The following SIN3B variants were observed in gnomAD, a reference collection of about 807,000 sequenced individuals.
SIN3B encodes the protein SIN3 transcription regulator family member B, also known as paired amphipathic helix protein Sin3b.
Under a neutral mutation model 120.2 loss-of-function variants are expected in SIN3B, and 19 were observed. The ratio of observed to expected loss-of-function variants is 0.16; its 90% CI spans 0.11 to 0.23. The LOEUF (loss-of-function observed/expected upper bound fraction) is 0.23, where lower values mean the gene tolerates loss of function less well. Ranked by LOEUF, SIN3B falls within the 10% of genes least tolerant of loss-of-function variation. The pLI, the probability that SIN3B is intolerant of heterozygous loss-of-function variation, is 1.00. For synonymous variants in SIN3B, 654 were observed against 653.2 expected (o/e 1.00, Z -0.02); for missense variants, 1,073 against 1,573.0 (o/e 0.68, Z 5.38).
At chr19:16,851,892 C>CAG (rs1321470962) in intron 6 of SIN3B, among the ~76,000 whole-genome samples, 2 of 152,220 alleles carry the variant, frequency 1.3e-5, no homozygotes, top group African/African-American at 4.8e-5. Flanking sequence ...CAGCTGAGGG[C>CAG]AGAGAGGGGC....
intron 8 of SIN3B, among the ~76,000 whole-genome samples, chr19:16,857,862 CTTCTCTTTTCTT>C (rs1971637511): frequency 6.6e-6 from 1 of 151,908 alleles, no homozygotes; most frequent in Non-Finnish European, 1.5e-5. Context: ...CTTCTTTTCT[CTTCTCTTTTCTT>C]TTCTTTTCTT....
chr19:16,855,346 G>T (rs1408803255), intron 8 of SIN3B: 1 of 143,196 alleles, frequency 7.0e-6, no homozygotes, highest in Non-Finnish European at 1.5e-5. Context: ...GAACTGTACA[G>T]GAGGAACCCT....
At chr19:16,877,678 C>T (rs1310320856) in intron 17 of SIN3B, 39 bp downstream of exon 17, 1 of 1,425,116 alleles carries the variant, frequency 7.0e-7, no homozygotes, top group Non-Finnish European at 9.8e-7. Flanking sequence ...TCCTTCCTTC[C>T]TGGGCCCAGG....
chr19:16,878,108 G>C, intron 17 of SIN3B, 75 bp from the exon 18 acceptor site: 1 of 1,283,076 alleles, frequency 7.8e-7, no homozygotes, highest in Non-Finnish European at 1.1e-6. Flanking sequence ...CCCAGGCCTG[G>C]GGGTTTCCCA....
In SIN3B at chr19:16,862,890, C is replaced by T. The variant is rs1401494256; in HGVS notation, c.1266+331C>T. ...TCAGTGTGTTTCTGTTTAGCTTGACCATTGGACACTTCTCCAGGGTTCGTG... is the reference window on the plus strand; with the variant it reads ...TCAGTGTGTTTCTGTTTAGCTTGACTATTGGACACTTCTCCAGGGTTCGTG... On this transcript the variant is annotated intron_variant, in intron 9 of 18. Transcript: ENST00000248054. This position sits in a 1 kb window ranked among gnomAD's most constrained non-coding sequence, Gnocchi z 4.7. 3 of 1,613,688 alleles carry T rather than the reference C, an allele frequency of 1.9e-6. No individual in the cohort carries two copies. Among genetic ancestry groups the T allele is most frequent in the East Asian group, 2.2e-5 (1 of 44,890 alleles).
rs1971566175 is a variant in SIN3B, at chr19:16,853,073, A to G, written c.854A>G (p.Lys285Arg). 1 of 1,614,094 alleles carries G rather than the reference A, an allele frequency of 6.2e-7. No homozygotes were observed. Among genetic ancestry groups the G allele is most frequent in the Non-Finnish European group, 8.5e-7 (1 of 1,179,952 alleles). The change falls in exon 7 of 19, where the codon AAA (lysine) becomes AGA (arginine). Residue 285 changes from lysine (K) to arginine (R), a missense_variant. Lys to Arg is a conservative substitution (Grantham distance 26, BLOSUM62 2). This residue lies in a region of SIN3B where 395 missense variants were observed against 528.0 expected (regional missense o/e 0.75). Coordinates refer to ENST00000248054, the MANE Select transcript of SIN3B (RefSeq NM_001297595.2). ...GCATAGAATTTCTCCCCACAGAAAA[A>G]AATGAAACTTCGTGGTACCAAAGAC... The part of the protein sequence containing the change: ...LRPVSAPAKK[K>R]MKLRGTKDLS...
chr19:16,871,471 G>A lies in SIN3B; in HGVS notation c.2592+73G>A, dbSNP rs374751562. On this transcript the variant is annotated intron_variant, in intron 14 of 18. Transcript: ENST00000248054. ...TCTACCATCATTTCACTCCCCGCTC[G>A]GGAGGGGGCCCGTGGTCAGCACAGC... 73 of 1,434,906 alleles carry A rather than the reference G, an allele frequency of 5.1e-5. 1 individual carries two copies. Among genetic ancestry groups the A allele is most frequent in the South Asian group, 4.0e-4 (30 of 74,496 alleles). 88.9% of individuals were successfully genotyped at this position (1,434,906 alleles called of 1,614,324 possible).
rs577911177 is a variant in SIN3B, at chr19:16,841,857, C to T, written c.471C>T (p.Ser157=). The part of the protein sequence containing the change: ...KEDKPQVPLE[S]DSVEFNNAIS... The stretch of plus-strand genomic sequence containing the variant: ...ACAAACCCCAGGTGCCCCTGGAGTC[C>T]GATTCCGTGGAATTCAACAACGCCA... The change falls in exon 4 of 19, where the codon TCC becomes TCT. Residue 157 remains serine (S), a synonymous_variant. Coordinates refer to ENST00000248054, the MANE Select transcript of SIN3B (RefSeq NM_001297595.2). The T allele has an allele frequency of 1.4e-5, 23 of 1,614,030 alleles. No individual in the cohort carries two copies. Among genetic ancestry groups the T allele is most frequent in the South Asian group, 5.5e-5 (5 of 91,048 alleles).
At chr19:16,867,955 G>C (rs115422247) in intron 12 of SIN3B, among the ~76,000 whole-genome samples, 23 of 152,318 alleles carry the variant, frequency 1.5e-4, no homozygotes, top group Middle Eastern at 3.4e-3. Flanking sequence ...CCACCAATGC[G>C]ACCCTGAGTT....
At chr19:16,851,994 T>G (rs1031245349) in intron 6 of SIN3B, among the ~76,000 whole-genome samples, 1 of 152,266 alleles carries the variant, frequency 6.6e-6, no homozygotes, top group African/African-American at 2.4e-5. Context: ...TTTCTACTAT[T>G]GGTGGGAACT....
chr19:16,878,540 A>G lies in SIN3B; in HGVS notation c.3206A>G (p.Glu1069Gly), dbSNP rs766622972. The G allele has an allele frequency of 2.1e-5, 34 of 1,599,542 alleles. No individual in the cohort carries two copies. The highest frequency in any genetic ancestry group is 2.8e-5 in the Non-Finnish European group (33 of 1,173,578). Reference protein sequence around the residue: ...VLLRHHQHFEEWHSRWLEDNV... With the variant: ...VLLRHHQHFEGWHSRWLEDNV... ...CTCCGCCACCACCAGCACTTTGAGG[A>G]GTGGCACAGCCGCTGGCTGGAGGAC... Residue 1069 changes from glutamate to glycine, a missense_variant, in exon 19 of 19, where the codon GAG (glutamate) becomes GGG (glycine). Physicochemically the swap from Glu to Gly is moderately conservative, Grantham distance 98 (BLOSUM62 -2). This residue lies in a region of SIN3B where 311 missense variants were observed against 400.3 expected (regional missense o/e 0.78). Transcript: ENST00000248054.
intron 3 of SIN3B, 84 bp from the exon 4 acceptor site, chr19:16,841,684 T>C: frequency 7.6e-7 from 1 of 1,307,276 alleles, no homozygotes; most frequent in Non-Finnish European, 1.1e-6. Flanking sequence ...TTTCTGTTCC[T>C]GTGCAGACAG....
At chr19:16,853,279 G>C (rs1971568330) in intron 7 of SIN3B, 121 bp downstream of exon 7, 3 of 844,034 alleles carry the variant, frequency 3.6e-6, no homozygotes, top group African/African-American at 3.4e-5. Context: ...GTCTGAGGAT[G>C]GATCCGGCGG....
chr19:16,868,245 G>A lies in SIN3B; in HGVS notation c.1807-1215G>A, dbSNP rs555357270. ...TGAAGAGCCCAGAGCAGGGCTGAGC[G>A]TGCAGACTCCTAGGAACCAGGTCAG... On this transcript the variant is annotated intron_variant, in intron 12 of 18. Coordinates refer to ENST00000248054, the MANE Select transcript of SIN3B (RefSeq NM_001297595.2). 3.3e-5 allele frequency among the ~76,000 whole-genome samples: 5 copies of A among 152,284 alleles called. No individual in the cohort carries two copies. The East Asian group carries it at 5.8e-4, about 18-fold the overall frequency.
chr19:16,858,544 G>A (rs986039402), intron 8 of SIN3B, among the ~76,000 whole-genome samples: 11 of 152,044 alleles, frequency 7.2e-5, no homozygotes, highest in African/African-American at 2.2e-4. Flanking sequence ...TATTTGATGC[G>A]TTTCAATACC....
chr19:16,842,854 A>C (rs1260274924), intron 4 of SIN3B, among the ~76,000 whole-genome samples: 2 of 152,202 alleles, frequency 1.3e-5, no homozygotes, highest in East Asian at 3.9e-4. Context: ...GAATCTTGAC[A>C]TATCAGTCGG....
At position 16,829,796 on chromosome 19, in the gene SIN3B, A is replaced by T; in HGVS notation, c.126A>T (p.Glu42Asp). Residue 42 changes from glutamate to aspartate, a missense_variant, in exon 2 of 19, where the codon GAA becomes GAT. Glu to Asp is a conservative substitution (Grantham distance 45, BLOSUM62 2). Around this residue, in one of 7 missense-constraint regions of SIN3B, gnomAD observed 395 missense variants for 528.0 expected, o/e 0.75. Coordinates refer to ENST00000248054, the MANE Select transcript of SIN3B (RefSeq NM_001297595.2). The part of the protein sequence containing the change: ...AGHEKLPVHV[E>D]DALTYLDQVK... ...GACCCTCCCCCTCTCTGCAGGTAGA[A>T]GACGCCCTCACCTATCTGGACCAGG... The T allele has an allele frequency of 6.2e-7, 1 of 1,611,654 alleles. No individual in the cohort carries two copies. Among genetic ancestry groups the T allele is most frequent in the Non-Finnish European group, 8.5e-7 (1 of 1,178,344 alleles).
chr19:16,833,966 T>C (rs991160388), intron 3 of SIN3B, among the ~76,000 whole-genome samples: 4 of 152,016 alleles, frequency 2.6e-5, no homozygotes, highest in Admixed American at 1.3e-4. Flanking sequence ...ACCCCGTGAT[T>C]CGCCCACCTC....
intron 3 of SIN3B, among the ~76,000 whole-genome samples, chr19:16,832,384 G>T (rs541033097): frequency 4.0e-4 from 61 of 151,944 alleles, no homozygotes; most frequent in African/African-American, 1.4e-3. Context: ...TTTTAGTAGA[G>T]ATGGGGTTTC....
Sources: allele counts gnomAD v4.1 joint callset (sites outside exome capture counted in the v4.1 genomes callset), GRCh38; gene constraint gnomAD v4.1.1; regional missense constraint gnomAD v4.1.1; non-coding constraint Gnocchi (gnomAD v3.1); transcripts MANE v1.5; gene names NCBI Gene and HGNC (gene_info 2026-07-23, HGNC 2026-07-21).